Variants in GRM8 observed in about 807,000 individuals in gnomAD.
GRM8 encodes the protein metabotropic glutamate receptor 8.
A neutral mutation model predicts 87.2 loss-of-function variants in GRM8; 47 were observed. The ratio of observed to expected loss-of-function variants is 0.54; its 90% CI spans 0.43 to 0.69. The LOEUF (loss-of-function observed/expected upper bound fraction) is 0.69. Ranked by LOEUF, GRM8 falls within the 30% of genes least tolerant of loss-of-function variation. The pLI is 0.00. For synonymous variants in GRM8, 396 were observed against 404.5 expected (o/e 0.98, Z 0.25); for missense variants, 1,019 against 1,139.2 (o/e 0.89, Z 1.52).
chr7:126,518,711 A>C (rs1812533201), intron 9 of GRM8, among the ~76,000 whole-genome samples: 1 of 152,092 alleles, frequency 6.6e-6, no homozygotes, highest in African/African-American at 2.4e-5. Context: ...TCTCTCACTG[A>C]ATATGCATAA....
intron 2 of GRM8, among the ~76,000 whole-genome samples, chr7:127,142,034 G>A (rs1210709831): frequency 6.6e-6 from 1 of 152,020 alleles, no homozygotes; most frequent in African/African-American, 2.4e-5. Context: ...TCAGCCTGGA[G>A]TACAGTGGTG....
intron 8 of GRM8, among the ~76,000 whole-genome samples, chr7:126,585,698 T>C (rs886292191): frequency 1.3e-5 from 2 of 152,124 alleles, no homozygotes; most frequent in Non-Finnish European, 2.9e-5. Flanking sequence ...ATAAGAGCTA[T>C]TTATGACAAA....
intron 3 of GRM8, among the ~76,000 whole-genome samples, chr7:127,009,274 G>A (rs1021809670): frequency 2.0e-5 from 3 of 152,024 alleles, no homozygotes; most frequent in African/African-American, 4.8e-5. Context: ...AATAGCTAAA[G>A]AATAAAGTAT....
In GRM8 at chr7:127,158,763, G is replaced by A. The variant is rs989352618; in HGVS notation, c.511-52051C>T. Among the ~76,000 whole-genome samples, 3 of 151,778 alleles carry A rather than the reference G, an allele frequency of 2.0e-5. 1 individual carries two copies. Among genetic ancestry groups the A allele is most frequent in the Admixed American group, 1.3e-4 (2 of 15,240 alleles). On this transcript the variant is annotated intron_variant, in intron 2 of 10. Coordinates refer to ENST00000339582, the MANE Select transcript of GRM8 (RefSeq NM_000845.3). ...GTATTAGGTTCTAACATGTGAATTC[G>A]TAGGGGGACACAAACATTCAGACCA...
At chr7:126,702,169 A>G (rs1810009828) in intron 7 of GRM8, among the ~76,000 whole-genome samples, 1 of 152,200 alleles carries the variant, frequency 6.6e-6, no homozygotes, top group Non-Finnish European at 1.5e-5. Flanking sequence ...TGCCTTGTGG[A>G]GCTTACAGTC....
chr7:127,127,855 A>G (rs1234483863), intron 2 of GRM8, among the ~76,000 whole-genome samples: 2 of 152,082 alleles, frequency 1.3e-5, no homozygotes, highest in African/African-American at 4.8e-5. Flanking sequence ...ACCCTTCAAA[A>G]ACAAGTCCTC....
At chr7:126,839,977 T>A (rs1318732838) in intron 6 of GRM8, among the ~76,000 whole-genome samples, 1 of 152,198 alleles carries the variant, frequency 6.6e-6, no homozygotes, top group East Asian at 1.9e-4. Context: ...TACTAACTGC[T>A]TAACTAAGTC....
At chr7:126,792,896 TA>T (rs1821518661) in intron 6 of GRM8, among the ~76,000 whole-genome samples, 1 of 152,196 alleles carries the variant, frequency 6.6e-6, no homozygotes, top group Non-Finnish European at 1.5e-5. Flanking sequence ...GCCCCTCGGC[TA>T]CAAAAGATAC....
intron 9 of GRM8, among the ~76,000 whole-genome samples, chr7:126,521,136 A>G (rs1176860509): frequency 1.3e-5 from 2 of 152,148 alleles, no homozygotes; most frequent in African/African-American, 4.8e-5. Context: ...GAAACATATG[A>G]CATTTAATCT....
chr7:126,516,369 A>G (rs1812165472), intron 9 of GRM8, among the ~76,000 whole-genome samples: 1 of 152,086 alleles, frequency 6.6e-6, no homozygotes, highest in South Asian at 2.1e-4. Flanking sequence ...TGTAGAACTG[A>G]AAAAGAATTT....
At chr7:126,761,440 A>G (rs1209753662) in intron 7 of GRM8, among the ~76,000 whole-genome samples, 3 of 152,046 alleles carry the variant, frequency 2.0e-5, no homozygotes, top group African/African-American at 2.4e-5. Flanking sequence ...ACTTCTTTCC[A>G]TTTCACATGT....
rs1811923511 is a variant in GRM8 at position 126,514,702 on chromosome 7, A to G, written c.2430+18250T>C. Among the ~76,000 whole-genome samples the G allele has an allele frequency of 3.3e-5, 5 of 152,210 alleles. No homozygotes were observed. The South Asian group carries it at 1.0e-3, about 32-fold the overall frequency. On this transcript the variant is annotated intron_variant, in intron 9 of 10. Coordinates refer to ENST00000339582, the MANE Select transcript of GRM8 (RefSeq NM_000845.3). ...TTATAAAATTAAATAAAAACTGTAT[A>G]TAGAGATGAATAAGAATATATATTT...
chr7:126,471,187 T>C (rs911692999), intron 9 of GRM8, among the ~76,000 whole-genome samples: 8 of 152,048 alleles, frequency 5.3e-5, no homozygotes, highest in Admixed American at 2.6e-4. Flanking sequence ...AGAAGCTCTT[T>C]AGTTTAATTA....
At chr7:126,755,619 A>T (rs28459372) in intron 7 of GRM8, among the ~76,000 whole-genome samples, 59,211 of 151,754 alleles carry the variant, frequency 0.39, 12,766 homozygotes, top group Non-Finnish European at 0.48. Flanking sequence ...GAAGAAAAGC[A>T]AATGTGTTTT....
At chr7:127,145,222 A>T (rs1160795057) in intron 2 of GRM8, among the ~76,000 whole-genome samples, 1 of 152,140 alleles carries the variant, frequency 6.6e-6, no homozygotes, top group Non-Finnish European at 1.5e-5. Flanking sequence ...TCTTGCAAAC[A>T]TGGTAAGCCC....
intron 3 of GRM8, among the ~76,000 whole-genome samples, chr7:126,986,464 A>C (rs1812079911): frequency 6.6e-6 from 1 of 152,208 alleles, no homozygotes. Flanking sequence ...CTGATGCTTA[A>C]AGTTACTAAA....
At chr7:126,548,602 G>A (rs1021681668) in intron 8 of GRM8, among the ~76,000 whole-genome samples, 1 of 152,130 alleles carries the variant, frequency 6.6e-6, no homozygotes, top group Non-Finnish European at 1.5e-5. Context: ...AGCTACATTG[G>A]GAAGATGATA....
chr7:127,046,404 C>A (rs1426922692), intron 3 of GRM8, among the ~76,000 whole-genome samples: 5 of 151,974 alleles, frequency 3.3e-5, no homozygotes, highest in Non-Finnish European at 7.4e-5. Flanking sequence ...AAAAGAAAAT[C>A]ATTTTTTCTG....
intron 8 of GRM8, among the ~76,000 whole-genome samples, chr7:126,575,641 C>T (rs978472682): frequency 6.6e-6 from 1 of 151,958 alleles, no homozygotes; most frequent in Non-Finnish European, 1.5e-5. Context: ...TTTAACCAAA[C>T]CAACATAATT....
Sources: allele counts gnomAD v4.1 joint callset (sites outside exome capture counted in the v4.1 genomes callset), GRCh38; gene constraint gnomAD v4.1.1; transcripts MANE v1.5; gene names NCBI Gene and HGNC (gene_info 2026-07-23, HGNC 2026-07-21).